MYO16: variants seen among roughly 807,000 people sequenced by gnomAD.
MYO16 encodes myosin XVI, also known as unconventional myosin-XVI.
In MYO16, 94 loss-of-function variants were observed where a neutral mutation model predicts 205.3. The ratio of observed to expected loss-of-function variants is 0.46; its 90% CI spans 0.39 to 0.54. MYO16 has a LOEUF of 0.54. Ranked by LOEUF, MYO16 falls within the 20% of genes least tolerant of loss-of-function variation. The probability of loss-of-function intolerance (pLI) is 0.00; values close to 1 mark genes in which losing one functional copy is unlikely to be tolerated. For synonymous variants in MYO16, 988 were observed against 954.0 expected (o/e 1.04, Z -0.66); for missense variants, 2,315 against 2,387.5 (o/e 0.97, Z 0.63).
At chr13:108,958,668 A>G (rs1883471839) in intron 17 of MYO16, among the ~76,000 whole-genome samples, 1 of 152,180 alleles carries the variant, frequency 6.6e-6, no homozygotes, top group African/African-American at 2.4e-5. Flanking sequence ...ATTAATGTAA[A>G]TTGACATAGC....
At chr13:108,576,446 T>C in the MYO16 span, among the ~76,000 whole-genome samples, 1 of 152,164 alleles carries the variant, frequency 6.6e-6, no homozygotes, top group Non-Finnish European at 1.5e-5. Context: ...TGCTATGAAC[T>C]GAAGGAGTGA....
chr13:109,105,707 C>T (rs904974429), intron 28 of MYO16, among the ~76,000 whole-genome samples: 8 of 152,336 alleles, frequency 5.3e-5, no homozygotes, highest in African/African-American at 1.7e-4. Context: ...GTAAGTCACA[C>T]TGCATTTTGC....
At chr13:109,020,722 G>A (rs1885992882) in intron 23 of MYO16, among the ~76,000 whole-genome samples, 1 of 152,078 alleles carries the variant, frequency 6.6e-6, no homozygotes, top group African/African-American at 2.4e-5. Flanking sequence ...ACAGCTCTCT[G>A]TCTCCTACTC....
intron 24 of MYO16, among the ~76,000 whole-genome samples, chr13:109,049,293 G>C (rs922634562): frequency 6.6e-6 from 1 of 152,210 alleles, no homozygotes; most frequent in African/African-American, 2.4e-5. Context: ...TCTTCACCAG[G>C]AGTTCCTTTG....
chr13:108,582,524 C>A, the MYO16 span, among the ~76,000 whole-genome samples: 2 of 152,218 alleles, frequency 1.3e-5, no homozygotes, highest in Non-Finnish European at 2.9e-5. Context: ...AGAAAGATAT[C>A]TAAGCAGAGT....
chr13:108,651,952 G>C (rs1435491792), intron 1 of MYO16, among the ~76,000 whole-genome samples: 1 of 152,110 alleles, frequency 6.6e-6, no homozygotes, highest in Non-Finnish European at 1.5e-5. Flanking sequence ...TTAAGGAGGG[G>C]TTATTTTTTT....
intron 9 of MYO16, among the ~76,000 whole-genome samples, chr13:108,842,188 C>T (rs989999567): frequency 6.6e-6 from 1 of 151,870 alleles, no homozygotes; most frequent in African/African-American, 2.4e-5. Flanking sequence ...AAGAAAAAAG[C>T]ACAGATGACA....
At chr13:108,615,534 AG>A in intron 1 of MYO16, among the ~76,000 whole-genome samples, 1 of 152,272 alleles carries the variant, frequency 6.6e-6, no homozygotes, top group South Asian at 2.1e-4. Context: ...CAATAGCAAA[AG>A]AGCTAGAAAC....
intron 20 of MYO16, among the ~76,000 whole-genome samples, chr13:108,986,983 T>C (rs1297559640): frequency 6.6e-6 from 1 of 152,168 alleles, no homozygotes; most frequent in Admixed American, 6.5e-5. Flanking sequence ...CAGTATTCCC[T>C]AGGATTAAAT....
At chr13:109,059,277 A>G (rs927872720) in intron 27 of MYO16, among the ~76,000 whole-genome samples, 4 of 152,202 alleles carry the variant, frequency 2.6e-5, no homozygotes, top group African/African-American at 9.6e-5. Flanking sequence ...ATTCATCAGA[A>G]AAATCACTAC....
At chr13:108,874,696 CATT>C (rs34831399) in intron 12 of MYO16, among the ~76,000 whole-genome samples, 17,425 of 106,270 alleles carry the variant, frequency 0.16, 1,059 homozygotes, top group Non-Finnish European at 0.2. Context: ...TCATCATCAT[CATT>C]ATTATTATTA....
intron 1 of MYO16, among the ~76,000 whole-genome samples, chr13:108,652,154 T>TGCGC (rs137904962): frequency 6.6e-6 from 1 of 150,988 alleles, no homozygotes; most frequent in Non-Finnish European, 1.5e-5. Context: ...TGTGTGTGTG[T>TGCGC]GCGCGCGCGC....
chr13:108,969,063 G>A (rs1883911016), intron 20 of MYO16, among the ~76,000 whole-genome samples: 1 of 152,174 alleles, frequency 6.6e-6, no homozygotes, highest in Non-Finnish European at 1.5e-5. Context: ...ACAAAGGTAT[G>A]TGGGCTTTGA....
intron 9 of MYO16, among the ~76,000 whole-genome samples, chr13:108,839,930 T>C (rs1383950630): frequency 6.6e-6 from 1 of 152,216 alleles, no homozygotes; most frequent in Non-Finnish European, 1.5e-5. Flanking sequence ...TCTAGACACA[T>C]AAAAACAGCA....
the MYO16 span, among the ~76,000 whole-genome samples, chr13:108,570,430 A>G: frequency 6.6e-6 from 1 of 152,024 alleles, no homozygotes; most frequent in African/African-American, 2.4e-5. Flanking sequence ...TAAATTTTTC[A>G]TAGAGATGGG....
intron 4 of MYO16, among the ~76,000 whole-genome samples, chr13:108,743,731 C>T (rs1203611472): frequency 6.6e-6 from 1 of 152,208 alleles, no homozygotes; most frequent in African/African-American, 2.4e-5. Context: ...ACTAGATCAT[C>T]TTAATGGGTG....
chr13:109,094,136 G>A (rs1888704731), intron 27 of MYO16, among the ~76,000 whole-genome samples: 2 of 152,040 alleles, frequency 1.3e-5, no homozygotes, highest in African/African-American at 4.8e-5. Context: ...CTCCCTCATT[G>A]TCAGGTGTCT....
chr13:109,042,087 C>CTCTTGA (rs1886902401), intron 23 of MYO16, among the ~76,000 whole-genome samples: 2 of 152,222 alleles, frequency 1.3e-5, no homozygotes, highest in Admixed American at 1.3e-4. Flanking sequence ...TGATCTCGAA[C>CTCTTGA]TCTTGACCTC....
At chr13:108,538,789 T>A in the MYO16 span, among the ~76,000 whole-genome samples, 1 of 152,106 alleles carries the variant, frequency 6.6e-6, no homozygotes, top group African/African-American at 2.4e-5. Flanking sequence ...TTTTGTGGAA[T>A]GAACAAAAAA....
Sources: allele counts gnomAD v4.1 joint callset (sites outside exome capture counted in the v4.1 genomes callset), GRCh38; gene constraint gnomAD v4.1.1; transcripts MANE v1.5; gene names NCBI Gene and HGNC (gene_info 2026-07-23, HGNC 2026-07-21).